Variants in HIPK2 observed in about 807,000 individuals in gnomAD.
HIPK2 encodes the protein homeodomain-interacting protein kinase 2.
HIPK2 carries 27 observed loss-of-function variants against 113.7 expected under a neutral mutation model. The ratio of observed to expected loss-of-function variants is 0.24; its 90% confidence interval spans 0.17 to 0.33. The LOEUF is 0.33. Among genes scored for constraint, HIPK2 ranks in the 10% least tolerant of loss-of-function variants. The probability of loss-of-function intolerance (pLI) is 1.00; values close to 1 mark genes in which losing one functional copy is unlikely to be tolerated. For missense variants in HIPK2, 1,257 were observed against 1,588.0 expected (o/e 0.79, Z 3.54); for synonymous variants, 631 against 642.2 (o/e 0.98, Z 0.26).
At chr7:139,734,179 C>T (rs899419605) in intron 1 of HIPK2, among the ~76,000 whole-genome samples, 5 of 152,200 alleles carry the variant, frequency 3.3e-5, no homozygotes, top group Admixed American at 6.5e-5. Flanking sequence ...ATAGTTCAGT[C>T]CCTTTCTTCC....
Position 139,569,955 on chromosome 7 carries a change from T to C in HIPK2, c.*2972A>G, listed in dbSNP as rs1195951699. On this transcript the variant is annotated 3_prime_UTR_variant, in exon 15 of 15. Transcript: ENST00000406875. ...AATAATATTATCTTTATGAGCAGCATGGAAATTTCATTCCTGATCTGGAAG... is the reference window on the plus strand; with the variant it reads ...AATAATATTATCTTTATGAGCAGCACGGAAATTTCATTCCTGATCTGGAAG... 2 of 152,234 alleles carry C rather than the reference T, an allele frequency of 1.3e-5. No individual in the cohort carries two copies. The highest frequency in any genetic ancestry group is 2.9e-5 in the Non-Finnish European group (2 of 68,034). 9.4% of individuals were successfully genotyped at this position (152,234 alleles called of 1,614,324 possible). A position where few individuals can be genotyped will look rare whatever the true frequency, so the allele number is the denominator to read the frequency against.
Position 139,573,133 on chromosome 7 carries a change from C to T in HIPK2, c.3391G>A (p.Val1131Met), listed in dbSNP as rs370105109. 134 of 1,611,036 alleles carry T rather than the reference C, an allele frequency of 8.3e-5. 2 individuals are homozygous for T. In the African/African-American group the frequency reaches 1.6e-3, roughly 20 times the overall value. The change falls in exon 15 of 15, where the codon GTG (valine) becomes ATG (methionine). Residue 1131 changes from valine to methionine, a missense_variant. Val to Met is a conservative substitution (Grantham distance 21, BLOSUM62 1). This residue lies in a region of HIPK2 where 862 missense variants were observed against 1,004.3 expected (regional missense o/e 0.86). Transcript: ENST00000406875. ...VASQGSARHT[V>M]QHTAYPASIV... ...CTGGCTGGGTAGGCAGTGTGCTGCA[C>T]GGTGTGGCGCGCAGAGCCTTGCGAG...
rs1423554841 is a variant in HIPK2 at position 139,596,949 on chromosome 7, G to A, written c.2485C>T (p.Gln829Ter). ...TTCTCCTTGACACGCTTGGATCGCT[G>A]TGGGGAGCTGATGGCCTGAGAGGAG... is the stretch of plus-strand genomic sequence containing the variant. ...VSSSQAISSPQRSKRVKENTP... is the reference protein window; with the variant it reads ...VSSSQAISSP The change falls in exon 12 of 15, where the codon CAG (glutamine) becomes TAG (stop). Residue 829 changes from glutamine (Q) to a stop codon, truncating the protein, a stop_gained. Transcript: ENST00000406875. LOFTEE classifies it high-confidence loss of function. The A allele has an allele frequency of 2.5e-6, 4 of 1,608,372 alleles. No homozygotes were observed. Among genetic ancestry groups the A allele is most frequent in the Non-Finnish European group, 2.6e-6 (3 of 1,175,586 alleles).
intron 1 of HIPK2, among the ~76,000 whole-genome samples, chr7:139,721,161 G>C (rs578075404): frequency 6.6e-6 from 1 of 152,176 alleles, no homozygotes; most frequent in African/African-American, 2.4e-5. Context: ...TGGACCCAAC[G>C]CTCAGTGCAG....
At chr7:139,604,340 TGAGG>T in intron 9 of HIPK2, 117 bp from the exon 10 acceptor site, 1 of 1,427,746 alleles carries the variant, frequency 7.0e-7, no homozygotes. Flanking sequence ...GGTGTGAGAG[TGAGG>T]GCCTGGTCTC....
chr7:139,664,752 A>G (rs1314662402), intron 2 of HIPK2, among the ~76,000 whole-genome samples: 2 of 152,170 alleles, frequency 1.3e-5, no homozygotes, highest in African/African-American at 4.8e-5. Flanking sequence ...CCATTAACTT[A>G]GGTGCCCCTT....
intron 1 of HIPK2, among the ~76,000 whole-genome samples, chr7:139,741,675 C>T (rs1187122319): frequency 2.0e-5 from 3 of 152,128 alleles, no homozygotes; most frequent in Admixed American, 6.6e-5. Context: ...ATTCCGTGAA[C>T]GTTGATCAGT....
rs887461897 is a variant in HIPK2, at chr7:139,567,909, C to G, written c.*5018G>C. On this transcript the variant is annotated 3_prime_UTR_variant, in exon 15 of 15. Coordinates refer to ENST00000406875, the MANE Select transcript of HIPK2 (RefSeq NM_022740.5). ...AGCATCAGACAAAGAGAACCTGGGA[C>G]AAAAGCTGGGGCGAGCTGGGTCCCC... The G allele has an allele frequency of 2.0e-5, 3 of 152,346 alleles. No homozygotes were observed. The highest frequency in any genetic ancestry group is 7.2e-5 in the African/African-American group (3 of 41,458). The allele number at this position is 152,346 out of a possible 1,614,324, so 9.4% of individuals were successfully genotyped here.
chr7:139,776,615 CG>C (rs1569487065), intron 1 of HIPK2, among the ~76,000 whole-genome samples: 1 of 151,886 alleles, frequency 6.6e-6, no homozygotes, highest in Non-Finnish European at 1.5e-5. Context: ...GAAAGAAAGC[CG>C]GGGGACCCAC....
Position 139,613,381 on chromosome 7 carries a change from T to A in HIPK2, c.1991-58A>T, listed in dbSNP as rs935927673. 8 of 1,593,588 alleles carry A rather than the reference T, an allele frequency of 5.0e-6. No individual in the cohort carries two copies. The highest frequency in any genetic ancestry group is 6.8e-6 in the Non-Finnish European group (8 of 1,169,648). ...AGCTGAGACGCTGTGAACAGCTGGA[T>A]GAAAAGAACCTTCCTGGGCAGTTAT... On this transcript the variant is annotated intron_variant, in intron 8 of 14. Coordinates refer to ENST00000406875, the MANE Select transcript of HIPK2 (RefSeq NM_022740.5). The surrounding 1 kb of genome is among the most constrained non-coding windows in gnomAD (Gnocchi z 4.2).
chr7:139,774,211 T>TCAGAA (rs373620964), intron 1 of HIPK2, among the ~76,000 whole-genome samples: 116 of 152,320 alleles, frequency 7.6e-4, no homozygotes, highest in African/African-American at 2.6e-3. Flanking sequence ...TGTAAGCATC[T>TCAGAA]CAGAAGATAG....
At chr7:139,731,549 C>T (rs541689710) in intron 1 of HIPK2, among the ~76,000 whole-genome samples, 9 of 152,336 alleles carry the variant, frequency 5.9e-5, no homozygotes, top group African/African-American at 1.9e-4. Context: ...AAAGGGCCGC[C>T]AAATGGGTTC....
At chr7:139,638,830 C>T (rs1034411699) in intron 2 of HIPK2, among the ~76,000 whole-genome samples, 2 of 151,800 alleles carry the variant, frequency 1.3e-5, no homozygotes, top group African/African-American at 4.8e-5. Flanking sequence ...GCTAATTTTT[C>T]GTATTTTTAG....
At chr7:139,575,350 AC>A in intron 13 of HIPK2, 62 bp from the exon 14 acceptor site, 6 of 1,494,280 alleles carry the variant, frequency 4.0e-6, no homozygotes, top group Non-Finnish European at 5.4e-6. Context: ...AGAAGATGCT[AC>A]CCCACCAGAG....
intron 2 of HIPK2, among the ~76,000 whole-genome samples, chr7:139,648,825 G>A (rs1801345031): frequency 6.6e-6 from 1 of 151,840 alleles, no homozygotes; most frequent in Non-Finnish European, 1.5e-5. Context: ...ATTGTGTTCA[G>A]TGTGGACAAA....
In HIPK2 at chr7:139,600,123, A is replaced by C. The variant is rs368510345; in HGVS notation, c.2435+294T>G. 7.3e-4 allele frequency among the ~76,000 whole-genome samples: 111 copies of C among 151,606 alleles called. 3 individuals carry two copies. The South Asian group carries it at 0.022, about 30-fold the overall frequency. Reference sequence around the variant, plus strand: ...CCCCCCAACCCTGCCTTGGCTATAAATTTTCACTCGCCCACGCTGTATGGA... The same window carrying C: ...CCCCCCAACCCTGCCTTGGCTATAACTTTTCACTCGCCCACGCTGTATGGA... On this transcript the variant is annotated intron_variant, in intron 11 of 14. Transcript: ENST00000406875.
chr7:139,586,099 C>G (rs540025863), intron 12 of HIPK2, among the ~76,000 whole-genome samples: 1 of 152,110 alleles, frequency 6.6e-6, no homozygotes, highest in Non-Finnish European at 1.5e-5. Context: ...TCAGATGAAT[C>G]GTACAGATGA....
At chr7:139,597,108 C>T (rs143789441) in intron 11 of HIPK2, 110 bp from the exon 12 acceptor site, 16 of 1,192,148 alleles carry the variant, frequency 1.3e-5, no homozygotes, top group East Asian at 4.8e-5. Context: ...CTGTAAAACA[C>T]GTCAGTGGCT....
chr7:139,622,028 T>C (rs1483557348), intron 6 of HIPK2, among the ~76,000 whole-genome samples: 2 of 151,932 alleles, frequency 1.3e-5, no homozygotes, highest in Non-Finnish European at 2.9e-5. Context: ...ACTGAATGAG[T>C]AAAATAAAAG....
Sources: gnomAD v4.1 joint callset for allele counts (sites outside exome capture counted in the v4.1 genomes callset) on GRCh38, gnomAD v4.1.1 for gene constraint, gnomAD v4.1.1 regional missense constraint, Gnocchi (gnomAD v3.1) non-coding constraint, MANE v1.5 for transcripts, NCBI Gene and HGNC (gene_info 2026-07-23, HGNC 2026-07-21) for gene names.